Variants in ZC3H11A observed in about 807,000 individuals in gnomAD.
ZC3H11A encodes the protein zinc finger CCCH domain-containing protein 11A.
In ZC3H11A, 22 loss-of-function variants were observed where a neutral mutation model predicts 90.8. The observed-to-expected ratio is 0.24, with a 90% CI of 0.17 to 0.35. The LOEUF (loss-of-function observed/expected upper bound fraction) is 0.35. Among genes scored for constraint, ZC3H11A ranks in the 10% least tolerant of loss-of-function variants. The pLI, the probability that ZC3H11A is intolerant of heterozygous loss-of-function variation, is 1.00. For missense variants in ZC3H11A, 701 were observed against 964.9 expected (o/e 0.73, Z 3.62); for synonymous variants, 294 against 339.8 (o/e 0.87, Z 1.48).
At chr1:203,800,576 T>A in intron 1 of ZC3H11A, 1 of 944,326 alleles carries the variant, frequency 1.1e-6, no homozygotes, top group Non-Finnish European at 1.4e-6. Context: ...AAACCTGAAA[T>A]CACACAAGGG....
At chr1:203,846,962 A>G (rs887184072) in intron 12 of ZC3H11A, among the ~76,000 whole-genome samples, 6 of 151,680 alleles carry the variant, frequency 4.0e-5, no homozygotes, top group African/African-American at 9.7e-5. Context: ...CTGAGATTAT[A>G]CCACTGCACT....
In ZC3H11A at chr1:203,852,741, TTTC is replaced by T. The variant is rs909589546; in HGVS notation, c.*348_*350del. ...TGAGGTGTTTGTCAGTTTTGGCTTT[TTTC>T]TTCTTTGTTGTATTCTTTATGTATT... On this transcript the variant is annotated 3_prime_UTR_variant, in exon 18 of 18. Coordinates refer to ENST00000367210, the MANE Select transcript of ZC3H11A (RefSeq NM_001376342.1). 3.3e-6 allele frequency: 1 copy of T among 303,350 alleles called. No homozygotes were observed. Among genetic ancestry groups the T allele is most frequent in the African/African-American group, 2.2e-5 (1 of 45,050 alleles). 18.8% of individuals were successfully genotyped at this position (303,350 alleles called of 1,614,324 possible).
At chr1:203,834,034 T>TA in intron 10 of ZC3H11A, 181 bp downstream of exon 10, 1 of 1,268,980 alleles carries the variant, frequency 7.9e-7, no homozygotes, top group Non-Finnish European at 9.9e-7. Flanking sequence ...TACAGAGATT[T>TA]AAAGTGTTAC....
intron 4 of ZC3H11A, among the ~76,000 whole-genome samples, chr1:203,822,018 A>C (rs1323841612): frequency 6.6e-6 from 1 of 152,042 alleles, no homozygotes; most frequent in Non-Finnish European, 1.5e-5. Context: ...TGGCCTCCCA[A>C]AGTCCTGGGA....
intron 8 of ZC3H11A, among the ~76,000 whole-genome samples, chr1:203,830,548 C>T (rs1019412642): frequency 1.3e-5 from 2 of 152,150 alleles, no homozygotes; most frequent in Admixed American, 1.3e-4. Context: ...CGTGGTGGCT[C>T]ACGCCTGTAA....
chr1:203,852,369 G>T lies in ZC3H11A; in HGVS notation c.2403G>T (p.Leu801=), dbSNP rs748858362. The T allele has an allele frequency of 1.2e-6, 2 of 1,613,768 alleles. No homozygotes were observed. Among genetic ancestry groups the T allele is most frequent in the Non-Finnish European group, 1.7e-6 (2 of 1,179,860 alleles). ...CTGGGAAAGATGAAGATGACCTTCT[G>T]CTTGAGCTATCAGAAATGATTGATA... ...LDPGKDEDDL[L]LELSEMIDS The change falls in exon 18 of 18, where the codon CTG becomes CTT. Residue 801 remains leucine, a synonymous_variant. Transcript: ENST00000367210.
intron 2 of ZC3H11A, among the ~76,000 whole-genome samples, chr1:203,811,013 C>T (rs1009759410): frequency 1.4e-4 from 21 of 151,468 alleles, no homozygotes; most frequent in Non-Finnish European, 2.8e-4. Flanking sequence ...TGGTGGTAGG[C>T]GCCTGTAATC....
chr1:203,801,831 T>A lies in ZC3H11A; in HGVS notation c.-1331T>A, dbSNP rs200071835. On this transcript the variant is annotated 5_prime_UTR_variant, in exon 2 of 18. The change abolishes the stop of an existing upstream ORF in the 5' untranslated region. Transcript: ENST00000367210. ...TTTTGGTTTTGATTTTTTTTTTTTT[T>A]AAATTCTTAAATGGTAAATATGCCA... 9.4e-4 allele frequency: 124 copies of A among 132,152 alleles called. No homozygotes were observed. The highest frequency in any genetic ancestry group is 1.5e-3 in the South Asian group (6 of 4,118). 8.2% of individuals were successfully genotyped at this position (132,152 alleles called of 1,614,324 possible).
intron 10 of ZC3H11A, 37 bp from the exon 11 acceptor site, chr1:203,837,929 G>C (rs1353174185): frequency 6.3e-7 from 1 of 1,581,264 alleles, no homozygotes; most frequent in East Asian, 2.2e-5. Context: ...GCTGAAGATT[G>C]ACTTGAAATC....
chr1:203,808,786 T>C (rs1010979962), intron 2 of ZC3H11A, among the ~76,000 whole-genome samples: 28 of 152,130 alleles, frequency 1.8e-4, no homozygotes, highest in Admixed American at 1.5e-3. Context: ...TTCGTCGTCG[T>C]CATCGCCATC....
At chr1:203,830,254 A>G (rs563299897) in intron 8 of ZC3H11A, 51 bp downstream of exon 8, 2 of 1,417,760 alleles carry the variant, frequency 1.4e-6, no homozygotes, top group African/African-American at 2.9e-5. Context: ...AGGGAAGAAT[A>G]CTAAGGACGC....
chr1:203,852,421 A>T lies in ZC3H11A; in HGVS notation c.*22A>T, dbSNP rs572435498. 15 of 1,572,708 alleles carry T rather than the reference A, an allele frequency of 9.5e-6. No homozygotes were observed. In the East Asian group the frequency reaches 2.8e-4, roughly 29 times the overall value. ...CTGAAGGTGGTAGTGAGGACACTTT[A>T]AAAAAAAAATCGCCAAAAAACTGGA... On this transcript the variant is annotated 3_prime_UTR_variant, in exon 18 of 18. Transcript: ENST00000367210.
chr1:203,799,128 A>G (rs1024718112), intron 1 of ZC3H11A: 15 of 1,520,034 alleles, frequency 9.9e-6, no homozygotes, highest in Non-Finnish European at 1.3e-5. Context: ...AGACTGTTTG[A>G]TAACCAATAT....
At chr1:203,847,842 AG>A (rs1485436376) in intron 13 of ZC3H11A, among the ~76,000 whole-genome samples, 155 bp downstream of exon 13, 1 of 152,086 alleles carries the variant, frequency 6.6e-6, no homozygotes, top group Non-Finnish European at 1.5e-5. Context: ...AGTGCTATGT[AG>A]ACCTATGCTA....
intron 2 of ZC3H11A, among the ~76,000 whole-genome samples, chr1:203,803,399 C>T (rs1318214492): frequency 1.3e-4 from 20 of 152,116 alleles, no homozygotes; most frequent in African/African-American, 4.6e-4. Flanking sequence ...CCATCTTGGC[C>T]AGGCTGGTCT....
chr1:203,828,827 T>C (rs757352875), intron 5 of ZC3H11A, among the ~76,000 whole-genome samples: 6 of 152,166 alleles, frequency 3.9e-5, no homozygotes, highest in Admixed American at 1.3e-4. Context: ...TAGAATTGAG[T>C]AGTTGAGACA....
chr1:203,799,214 C>A (rs750347745), intron 1 of ZC3H11A: 89 of 983,692 alleles, frequency 9.0e-5, no homozygotes, highest in Non-Finnish European at 1.9e-5. Flanking sequence ...TTGTTTCTGA[C>A]AATTCCTCTA....
chr1:203,851,172 G>A (rs748497626), intron 17 of ZC3H11A, 48 bp downstream of exon 17: 5 of 1,555,810 alleles, frequency 3.2e-6, no homozygotes, highest in South Asian at 2.2e-5. Flanking sequence ...CCCTGTTACT[G>A]TTTAGGCTCT....
chr1:203,800,555 C>G, intron 1 of ZC3H11A: 1 of 1,199,574 alleles, frequency 8.3e-7, no homozygotes, highest in Non-Finnish European at 1.1e-6. Context: ...TCTTTATAAA[C>G]ACATCTGGGG....
Sources: gnomAD v4.1 joint callset for allele counts (sites outside exome capture counted in the v4.1 genomes callset) on GRCh38, gnomAD v4.1.1 for gene constraint, MANE v1.5 for transcripts, NCBI Gene and HGNC (gene_info 2026-07-23, HGNC 2026-07-21) for gene names.